The following CSGALNACT1 variants were observed in gnomAD, a reference collection of about 807,000 sequenced individuals.
CSGALNACT1 encodes the protein beta4GalNAcT-1.
In CSGALNACT1, 52 loss-of-function variants were observed where a neutral mutation model predicts 51.0. The ratio of observed to expected loss-of-function variants is 1.02; its 90% CI spans 0.82 to 1.29. The LOEUF is 1.29. Among genes scored for constraint, CSGALNACT1 ranks in the 50% most tolerant of loss-of-function variants. The pLI is 0.00. For missense variants in CSGALNACT1, 935 were observed against 679.2 expected, an observed-to-expected ratio of 1.38 and a Z score of -4.19; for synonymous variants, 341 against 254.4, an observed-to-expected ratio of 1.34 and a Z score of -3.24.
chr8:19,587,716 C>G (rs1377269224), intron 3 of CSGALNACT1, among the ~76,000 whole-genome samples: 1 of 152,186 alleles, frequency 6.6e-6, no homozygotes, highest in African/African-American at 2.4e-5. Flanking sequence ...TCCTGCATTA[C>G]AAGAGAAACT....
chr8:19,569,144 T>G (rs1275512056), intron 3 of CSGALNACT1, among the ~76,000 whole-genome samples: 1 of 152,170 alleles, frequency 6.6e-6, no homozygotes, highest in African/African-American at 2.4e-5. Flanking sequence ...GTGCTACCAT[T>G]AGCCAGATGG....
rs547796030 is a variant in CSGALNACT1 at position 19,587,681 on chromosome 8, C to A, written c.-297+3479G>T. Among the ~76,000 whole-genome samples the A allele has an allele frequency of 5.3e-5, 8 of 152,252 alleles. No homozygotes were observed. In the South Asian group the frequency reaches 1.4e-3, roughly 28 times the overall value. On this transcript the variant is annotated intron_variant, in intron 3 of 9. Transcript: ENST00000454498. ...CCTTTATGATATTATTCTACATGAACAGCTAGTGGCAAGGGCATAGATACT... is the reference window on the plus strand; with the variant it reads ...CCTTTATGATATTATTCTACATGAAAAGCTAGTGGCAAGGGCATAGATACT...
intron 5 of CSGALNACT1, among the ~76,000 whole-genome samples, chr8:19,445,400 C>A (rs1408063371): frequency 1.3e-5 from 2 of 152,198 alleles, no homozygotes; most frequent in Admixed American, 1.3e-4. Context: ...TCTTTGCTGT[C>A]TCCCTCTCTG....
At chr8:19,425,366 A>AT (rs1296355643) in intron 6 of CSGALNACT1, among the ~76,000 whole-genome samples, 1 of 151,674 alleles carries the variant, frequency 6.6e-6, no homozygotes, top group Non-Finnish European at 1.5e-5. Flanking sequence ...CCAAAAAACC[A>AT]TTTTCCTGCT....
intron 3 of CSGALNACT1, among the ~76,000 whole-genome samples, chr8:19,564,302 G>A (rs887264672): frequency 4.6e-5 from 7 of 151,760 alleles, no homozygotes; most frequent in Non-Finnish European, 1.0e-4. Flanking sequence ...AATCCCTCTG[G>A]GCACAAAACA....
chr8:19,485,033 A>T (rs772241003), intron 4 of CSGALNACT1, among the ~76,000 whole-genome samples: 2 of 152,132 alleles, frequency 1.3e-5, no homozygotes, highest in Non-Finnish European at 2.9e-5. Flanking sequence ...AGTGGGTGAG[A>T]AAATAAACTT....
intron 2 of CSGALNACT1, among the ~76,000 whole-genome samples, chr8:19,600,975 GA>G (rs1020205104): frequency 8.4e-4 from 123 of 146,556 alleles, no homozygotes; most frequent in African/African-American, 2.6e-3. Context: ...ATTACTTCTA[GA>G]AAAAAAAAAG....
chr8:19,486,269 G>A (rs572442224), intron 4 of CSGALNACT1, among the ~76,000 whole-genome samples: 33 of 152,138 alleles, frequency 2.2e-4, no homozygotes, highest in African/African-American at 7.5e-4. Flanking sequence ...TTACCACCTT[G>A]GTCCAGCCAC....
rs79422403 is a variant in CSGALNACT1, at chr8:19,409,757, G to A, written c.1228-1063C>T. ...TTGGGGACATCTGGTTCTGTTCATC[G>A]TTAATTAGAAACGGTACATGAGAGG... On this transcript the variant is annotated intron_variant, in intron 8 of 9. Transcript: ENST00000454498. Among the ~76,000 whole-genome samples, 1,300 of 152,212 alleles carry A rather than the reference G, an allele frequency of 8.5e-3. 17 individuals are homozygous for A. The highest frequency in any genetic ancestry group is 0.03 in the African/African-American group (1,239 of 41,520).
chr8:19,672,402 T>C (rs906082957), intron 1 of CSGALNACT1, among the ~76,000 whole-genome samples: 1 of 152,190 alleles, frequency 6.6e-6, no homozygotes, highest in African/African-American at 2.4e-5. Flanking sequence ...GGGAGATGCC[T>C]GGCAATGTTT....
rs185213508 is a variant in CSGALNACT1, at chr8:19,469,469, T to C, written c.635-10827A>G. Among the ~76,000 whole-genome samples the C allele has an allele frequency of 4.2e-4, 64 of 152,266 alleles. No individual in the cohort carries two copies. The Middle Eastern group carries it at 0.017, about 40-fold the overall frequency. On this transcript the variant is annotated intron_variant, in intron 4 of 9. Transcript: ENST00000454498. ...GGAGGAGACCATCCACAGGTAGTCT[T>C]ATCAATAAGTTTCAGGGGTGTAAGA...
At chr8:19,525,413 G>T (rs544507719) in intron 3 of CSGALNACT1, among the ~76,000 whole-genome samples, 1 of 151,682 alleles carries the variant, frequency 6.6e-6, no homozygotes, top group East Asian at 1.9e-4. Flanking sequence ...AGACCAGCCT[G>T]GCTAACATGG....
intron 3 of CSGALNACT1, among the ~76,000 whole-genome samples, chr8:19,555,235 T>C (rs1392518933): frequency 6.6e-6 from 1 of 151,840 alleles, no homozygotes; most frequent in East Asian, 1.9e-4. Flanking sequence ...CAAGACTCTG[T>C]TTCAAAAAAA....
chr8:19,554,797 A>G (rs1165489900), intron 3 of CSGALNACT1, among the ~76,000 whole-genome samples: 1 of 152,180 alleles, frequency 6.6e-6, no homozygotes, highest in Non-Finnish European at 1.5e-5. Context: ...ACACACCTGT[A>G]GTCCCAGCTA....
intron 7 of CSGALNACT1, among the ~76,000 whole-genome samples, chr8:19,419,107 A>C (rs2057444087): frequency 6.6e-6 from 1 of 152,010 alleles, no homozygotes. Context: ...CGGCCTCCCA[A>C]AGTGCTGGGA....
At chr8:19,619,406 G>C (rs996857467) in intron 1 of CSGALNACT1, among the ~76,000 whole-genome samples, 1 of 152,102 alleles carries the variant, frequency 6.6e-6, no homozygotes, top group South Asian at 2.1e-4. Flanking sequence ...CGAAGGGATG[G>C]AGCCATGTCC....
intron 1 of CSGALNACT1, among the ~76,000 whole-genome samples, chr8:19,754,540 A>G (rs1381037237): frequency 6.6e-6 from 1 of 152,236 alleles, no homozygotes; most frequent in Admixed American, 6.5e-5. Context: ...AAAAAAGCAT[A>G]TATTTGGAAA....
chr8:19,717,532 T>TACC lies in CSGALNACT1; in HGVS notation c.-297+40315_-297+40317dup, dbSNP rs534557255. ...TGACAAATGCAATGAGTCATGTATC[T>TACC]ACCACCACAGAACCATAACGAATGG... On this transcript the variant is annotated intron_variant, in intron 1 of 1. Coordinates refer to the CSGALNACT1 transcript ENST00000517494. Among the ~76,000 whole-genome samples the TACC allele has an allele frequency of 1.7e-3, 261 of 152,344 alleles. 1 individual carries two copies. The highest frequency in any genetic ancestry group is 5.2e-3 in the Admixed American group (79 of 15,294).
chr8:19,478,136 CGG>C (rs2070269089), intron 4 of CSGALNACT1, among the ~76,000 whole-genome samples: 1 of 119,700 alleles, frequency 8.4e-6, no homozygotes, highest in East Asian at 7.0e-4. Flanking sequence ...ATGTCTGGGC[CGG>C]GTGCGGTGGC....
Sources: allele counts gnomAD v4.1 joint callset (sites outside exome capture counted in the v4.1 genomes callset), GRCh38; gene constraint gnomAD v4.1.1; transcripts MANE v1.5; gene names NCBI Gene and HGNC (gene_info 2026-07-23, HGNC 2026-07-21).